CCDC150: variants seen among roughly 807,000 people sequenced by gnomAD.
CCDC150 encodes coiled-coil domain-containing protein 150.
A neutral mutation model predicts 156.5 loss-of-function variants in CCDC150; 151 were observed. The ratio of observed to expected loss-of-function variants is 0.97; its 90% CI spans 0.85 to 1.10. The LOEUF is 1.10. Ranked by LOEUF, CCDC150 falls within the 50% of genes least tolerant of loss-of-function variation. The probability of loss-of-function intolerance (pLI) is 0.00; values close to 1 mark genes in which losing one functional copy is unlikely to be tolerated. For missense variants in CCDC150, 1,312 were observed against 1,268.1 expected (o/e 1.03, Z -0.53); for synonymous variants, 452 against 429.4 (o/e 1.05, Z -0.65).
chr2:196,689,778 C>G (rs1476984607), intron 13 of CCDC150, among the ~76,000 whole-genome samples: 1 of 152,104 alleles, frequency 6.6e-6, no homozygotes, highest in Non-Finnish European at 1.5e-5. Flanking sequence ...ACTTCCAACA[C>G]TATGTTGAAT....
intron 13 of CCDC150, among the ~76,000 whole-genome samples, chr2:196,680,472 T>G (rs1223151912): frequency 6.6e-6 from 1 of 152,104 alleles, no homozygotes; most frequent in Admixed American, 6.6e-5. Flanking sequence ...CAGCTAATTT[T>G]TTTATTTTTT....
rs1575785071 is a variant in CCDC150, at chr2:196,665,749, T to C, written c.762+66T>C. On this transcript the variant is annotated intron_variant, in intron 6 of 27. Transcript: ENST00000389175. ...ACCAAACAAAAACTGATATTTTACC[T>C]ATAAACTTAAAATTTTACTAATTGC... 5.5e-6 allele frequency: 5 copies of C among 902,716 alleles called. No individual in the cohort carries two copies. The South Asian group carries it at 9.7e-5, about 18-fold the overall frequency. The allele number at this position is 902,716 out of a possible 1,614,324, so 55.9% of individuals were successfully genotyped here.
At position 196,656,944 on chromosome 2, in the gene CCDC150, G is replaced by A. The variant is rs1465633607; in HGVS notation, c.398-14G>A. The A allele has an allele frequency of 6.2e-7, 1 of 1,612,862 alleles. No individual in the cohort carries two copies. The highest frequency in any genetic ancestry group is 8.5e-7 in the Non-Finnish European group (1 of 1,179,324). ...CTTTCTGCTGCTTGATGCCCCTCCT[G>A]TGCGGTCTGGTAGCTTTTCTGAAAG... On this transcript the variant is annotated splice_polypyrimidine_tract_variant and intron_variant, in intron 3 of 27. Coordinates refer to ENST00000389175, the MANE Select transcript of CCDC150 (RefSeq NM_001080539.2).
chr2:196,682,938 GCTCT>G (rs1694927699), intron 13 of CCDC150, among the ~76,000 whole-genome samples: 1 of 151,796 alleles, frequency 6.6e-6, no homozygotes, highest in African/African-American at 2.4e-5. Context: ...GAACTCCTGG[GCTCT>G]CTATTTGCTA....
intron 13 of CCDC150, among the ~76,000 whole-genome samples, chr2:196,692,425 C>T (rs994766590): frequency 3.2e-4 from 49 of 152,196 alleles, no homozygotes; most frequent in Non-Finnish European, 7.4e-5. Flanking sequence ...TGAGCCACCG[C>T]GCCCGGCCGA....
intron 15 of CCDC150, among the ~76,000 whole-genome samples, chr2:196,708,100 G>A (rs998623497): frequency 1.3e-5 from 2 of 152,196 alleles, no homozygotes; most frequent in Non-Finnish European, 2.9e-5. Context: ...AACATTGACA[G>A]TAGGGTGTTA....
At chr2:196,657,916 T>C (rs1024526489) in intron 4 of CCDC150, among the ~76,000 whole-genome samples, 1 of 152,178 alleles carries the variant, frequency 6.6e-6, no homozygotes, top group Admixed American at 6.5e-5. Context: ...TTCTACTCGG[T>C]ACAGCTAGGA....
intron 15 of CCDC150, among the ~76,000 whole-genome samples, chr2:196,702,343 C>CTGTG (rs3220631): frequency 0.12 from 16,978 of 143,602 alleles, 1,670 homozygotes; most frequent in African/African-American, 0.27. Context: ...GACTGAAGTG[C>CTGTG]TGTGTGTGTG....
chr2:196,712,015 A>T (rs903925219), intron 15 of CCDC150, 130 bp from the exon 16 acceptor site: 4 of 269,110 alleles, frequency 1.5e-5, no homozygotes, highest in South Asian at 1.5e-4. Context: ...ATTCTCTGTA[A>T]TTTTTTTTTT....
intron 18 of CCDC150, chr2:196,719,178 A>G (rs528086798): frequency 5.0e-6 from 1 of 200,042 alleles, no homozygotes; most frequent in East Asian, 1.2e-4. Flanking sequence ...GTCAGAAGAC[A>G]GCTGAGAGGC....
At chr2:196,639,858 TCC>T (rs1692103494) in intron 1 of CCDC150, 80 bp downstream of exon 1, 2 of 1,251,832 alleles carry the variant, frequency 1.6e-6, no homozygotes, top group African/African-American at 3.0e-5. Context: ...CAGTCACCAC[TCC>T]CTGGCGCCCT....
At position 196,656,763 on chromosome 2, in the gene CCDC150, C is replaced by A. The variant is rs200403800; in HGVS notation, c.307C>A (p.Arg103=). 3.7e-6 allele frequency: 6 copies of A among 1,613,634 alleles called. No homozygotes were observed. The Admixed American group carries it at 6.7e-5, about 18-fold the overall frequency. ...GAAGAACTGTGAGTTTCTGGTAAAT[C>A]GAATGTGCCGTCTTGAAAGCCTCAT... is the stretch of plus-strand genomic sequence containing the variant. ...LWKNCEFLVN[R]MCRLESLMQS... is the part of the protein sequence containing the mutation. Residue 103 remains arginine, a synonymous_variant, in exon 3 of 28, where the codon CGA becomes AGA. Transcript: ENST00000389175.
intron 5 of CCDC150, among the ~76,000 whole-genome samples, chr2:196,660,493 T>A (rs1693498404): frequency 1.3e-5 from 2 of 152,220 alleles, no homozygotes; most frequent in Admixed American, 6.5e-5. Flanking sequence ...GTCAGTGTTT[T>A]GAATTTTTGC....
rs1258914364 is a variant in CCDC150 at position 196,665,686 on chromosome 2, A to G, written c.762+3A>G. On this transcript the variant is annotated splice_donor_region_variant and intron_variant, in intron 6 of 27. Transcript: ENST00000389175. Reference sequence around the variant, plus strand: ...CAGTGGAGGTAGAACGAAAACAGGTAGAAAGATTTCTTCTCCTTATGTGGT... The same window carrying G: ...CAGTGGAGGTAGAACGAAAACAGGTGGAAAGATTTCTTCTCCTTATGTGGT... 9 of 1,543,524 alleles carry G rather than the reference A, an allele frequency of 5.8e-6. No individual in the cohort carries two copies. Among genetic ancestry groups the G allele is most frequent in the African/African-American group, 2.7e-5 (2 of 73,234 alleles).
At chr2:196,671,824 A>G (rs1236081194) in intron 8 of CCDC150, among the ~76,000 whole-genome samples, 3 of 152,188 alleles carry the variant, frequency 2.0e-5, no homozygotes, top group Admixed American at 6.6e-5. Flanking sequence ...GATTGCTCCA[A>G]CCTTTGGCAA....
At chr2:196,700,110 G>T (rs1454611847) in intron 14 of CCDC150, among the ~76,000 whole-genome samples, 1 of 152,118 alleles carries the variant, frequency 6.6e-6, no homozygotes, top group Non-Finnish European at 1.5e-5. Context: ...ATGCCTAAAA[G>T]GCACTCTGTT....
chr2:196,654,648 A>G (rs768869678), intron 2 of CCDC150, among the ~76,000 whole-genome samples: 4 of 151,960 alleles, frequency 2.6e-5, no homozygotes, highest in African/African-American at 9.7e-5. Context: ...TTCTTGCATT[A>G]TTCTCCTGAC....
At chr2:196,642,435 A>G (rs1223821524) in intron 1 of CCDC150, among the ~76,000 whole-genome samples, 1 of 152,232 alleles carries the variant, frequency 6.6e-6, no homozygotes, top group East Asian at 1.9e-4. Context: ...GAGGACAGGC[A>G]AGGGTATGAG....
chr2:196,663,515 GTAA>G lies in CCDC150; in HGVS notation c.646-2047_646-2045del, dbSNP rs1559223412. On this transcript the variant is annotated intron_variant, in intron 5 of 27. Coordinates refer to ENST00000389175, the MANE Select transcript of CCDC150 (RefSeq NM_001080539.2). ...AGGTAATAATTGGAAAATTATGAAG[GTAA>G]TAATTGAAAAAAGAATCTTATAGGA... Among the ~76,000 whole-genome samples, 3 of 151,934 alleles carry G rather than the reference GTAA, an allele frequency of 2.0e-5. No individual in the cohort carries two copies. In the East Asian group the frequency reaches 5.8e-4, roughly 29 times the overall value.
Sources: allele counts gnomAD v4.1 joint callset (sites outside exome capture counted in the v4.1 genomes callset), GRCh38; gene constraint gnomAD v4.1.1; transcripts MANE v1.5; gene names NCBI Gene and HGNC (gene_info 2026-07-23, HGNC 2026-07-21).